KIF1B: variants seen among roughly 807,000 people sequenced by gnomAD.
KIF1B encodes the protein kinesin-like protein KIF1B.
A neutral mutation model predicts 241.9 loss-of-function variants in KIF1B; 76 were observed. The ratio of observed to expected loss-of-function variants is 0.31; its 90% CI spans 0.26 to 0.38. The LOEUF is 0.38. Ranked by LOEUF, KIF1B falls within the 10% of genes least tolerant of loss-of-function variation. The pLI is 1.00. For synonymous variants in KIF1B, 750 were observed against 796.7 expected, an observed-to-expected ratio of 0.94 and a Z score of 0.99; for missense variants, 1,622 against 2,271.4, an observed-to-expected ratio of 0.71 and a Z score of 5.81.
chr1:10,350,823 A>C (rs1290060638), intron 37 of KIF1B, among the ~76,000 whole-genome samples: 1 of 151,756 alleles, frequency 6.6e-6, no homozygotes, highest in African/African-American at 2.4e-5. Context: ...GGGGCCAGGC[A>C]CAGTGGCTCA....
rs77475237 is a variant in KIF1B at position 10,224,746 on chromosome 1, T to C, written c.-79-7504T>C. On this transcript the variant is annotated intron_variant, in intron 1 of 48. Transcript: ENST00000676179. ...GCCCCAATTTATGTTTTTTATTTAA[T>C]GCTGTTTAAATGTTAGTTTGTTGAC... 4.3e-3 allele frequency among the ~76,000 whole-genome samples: 659 copies of C among 152,272 alleles called. 4 individuals carry two copies. The highest frequency in any genetic ancestry group is 0.015 in the African/African-American group (604 of 41,546).
intron 19 of KIF1B, among the ~76,000 whole-genome samples, chr1:10,296,277 T>C (rs1650258472): frequency 6.6e-6 from 1 of 152,222 alleles, no homozygotes; most frequent in Non-Finnish European, 1.5e-5. Flanking sequence ...ATCCTTACAA[T>C]TTCTGATGGT....
At position 10,232,230 on chromosome 1, in the gene KIF1B, G is replaced by T; in HGVS notation, c.-79-20G>T. 1.2e-6 allele frequency: 1 copy of T among 849,048 alleles called. No homozygotes were observed. The highest frequency in any genetic ancestry group is 1.5e-5 in the South Asian group (1 of 68,110). 52.6% of individuals were successfully genotyped at this position (849,048 alleles called of 1,614,324 possible). The stretch of plus-strand genomic sequence containing the variant: ...GCTTTAATTCTGACTACCTCATATG[G>T]AATTTTTTTCTTTTCAAAGGAAACT... On this transcript the variant is annotated intron_variant, in intron 1 of 48. Coordinates refer to ENST00000676179, the MANE Select transcript of KIF1B (RefSeq NM_001365951.3).
In KIF1B at chr1:10,375,059, C is replaced by T; in HGVS notation, c.5289+13C>T. On this transcript the variant is annotated intron_variant, in intron 47 of 48. Coordinates refer to ENST00000676179, the MANE Select transcript of KIF1B (RefSeq NM_001365951.3). ...GGCCATGGTGAAGGTCCGTCCTGCC[C>T]TGCCTTGGTTTCTTATTGCCACGTG... The T allele has an allele frequency of 6.2e-7, 1 of 1,613,836 alleles. No homozygotes were observed. The highest frequency in any genetic ancestry group is 8.5e-7 in the Non-Finnish European group (1 of 1,179,748).
In KIF1B at chr1:10,343,261, C is replaced by T; in HGVS notation, c.3662C>T (p.Pro1221Leu). The stretch of plus-strand genomic sequence containing the variant: ...CCTCAGCCGTGCCGCCGATTCTTCC[C>T]TCCACCCATGCCACTGTCCAAGCCA... ...SPPQPCRRFF[P>L]PPMPLSKPVP... The change falls in exon 34 of 49, where the codon CCT becomes CTT. Residue 1221 changes from proline (P) to leucine (L), a missense_variant. By Grantham distance (98) the Pro-to-Leu change is moderately conservative (BLOSUM62 -3). Around this residue, in one of 7 missense-constraint regions of KIF1B, gnomAD observed 803 missense variants for 1,112.0 expected, o/e 0.72. Transcript: ENST00000676179. 1 of 1,614,216 alleles carries T rather than the reference C, an allele frequency of 6.2e-7. No homozygotes were observed. Among genetic ancestry groups the T allele is most frequent in the Non-Finnish European group, 8.5e-7 (1 of 1,180,022 alleles).
At chr1:10,332,849 T>A (rs1027168579) in intron 27 of KIF1B, among the ~76,000 whole-genome samples, 1 of 143,472 alleles carries the variant, frequency 7.0e-6, no homozygotes, top group African/African-American at 2.6e-5. Context: ...TCTCACCCTG[T>A]CACCCAGGCT....
chr1:10,374,667 C>T lies in KIF1B; in HGVS notation c.5097-187C>T, dbSNP rs929903949. On this transcript the variant is annotated intron_variant, in intron 46 of 48. Transcript: ENST00000676179. The surrounding 1 kb of genome is among the most constrained non-coding windows in gnomAD (Gnocchi z 4.3). ...ATAATGCATCTGCACCCTGGCGCAGCATGTTGCCATGGCACGGTTTCGCTT... is the reference window on the plus strand; with the variant it reads ...ATAATGCATCTGCACCCTGGCGCAGTATGTTGCCATGGCACGGTTTCGCTT... Among the ~76,000 whole-genome samples the T allele has an allele frequency of 6.6e-6, 1 of 152,168 alleles. No homozygotes were observed. Among genetic ancestry groups the T allele is most frequent in the African/African-American group, 2.4e-5 (1 of 41,440 alleles).
intron 15 of KIF1B, among the ~76,000 whole-genome samples, chr1:10,285,772 G>A (rs1322562159): frequency 6.6e-6 from 1 of 152,160 alleles, no homozygotes; most frequent in South Asian, 2.1e-4. Context: ...CATCCGTAGC[G>A]CCAGGGCAAT....
At chr1:10,361,955 C>G (rs1638436033) in intron 40 of KIF1B, 130 bp downstream of exon 40, 1 of 975,634 alleles carries the variant, frequency 1.0e-6, no homozygotes, top group South Asian at 1.3e-5. Context: ...TAACTGACAC[C>G]TGGAATGTAC....
At chr1:10,242,591 G>A (rs1165662173) in intron 2 of KIF1B, among the ~76,000 whole-genome samples, 3 of 152,042 alleles carry the variant, frequency 2.0e-5, no homozygotes, top group South Asian at 4.2e-4. Context: ...ATCTTGGCTC[G>A]CTGCAACCTC....
chr1:10,308,863 A>G (rs1324940439), intron 22 of KIF1B, among the ~76,000 whole-genome samples: 2 of 152,248 alleles, frequency 1.3e-5, no homozygotes, highest in Non-Finnish European at 2.9e-5. Context: ...TTCTCACAAA[A>G]GATGAATAAG....
intron 2 of KIF1B, among the ~76,000 whole-genome samples, chr1:10,235,044 C>T (rs980173600): frequency 6.6e-6 from 1 of 151,830 alleles, no homozygotes; most frequent in Non-Finnish European, 1.5e-5. Context: ...CACCTGTCAC[C>T]ACACCTGGCT....
chr1:10,301,014 G>A (rs1230601008), intron 22 of KIF1B, among the ~76,000 whole-genome samples: 1 of 151,974 alleles, frequency 6.6e-6, no homozygotes, highest in African/African-American at 2.4e-5. Flanking sequence ...TTACTTTTTT[G>A]TTCCTTAGAA....
intron 2 of KIF1B, among the ~76,000 whole-genome samples, chr1:10,240,940 C>T (rs1203688746): frequency 6.6e-6 from 1 of 152,074 alleles, no homozygotes; most frequent in Non-Finnish European, 1.5e-5. Flanking sequence ...AACCATACTT[C>T]ATTTATATTC....
rs1257077910 is a variant in KIF1B at position 10,326,733 on chromosome 1, G to C, written c.2924+374G>C. On this transcript the variant is annotated intron_variant, in intron 27 of 48. Transcript: ENST00000676179. This position sits in a 1 kb window ranked among gnomAD's most constrained non-coding sequence, Gnocchi z 5.2. ...ATGGTCTAGATGTTTCCTTTTTAAA[G>C]GATTGTGATTGAAAAAGCATATGGA... Among the ~76,000 whole-genome samples, 3 of 152,200 alleles carry C rather than the reference G, an allele frequency of 2.0e-5. No individual in the cohort carries two copies. The highest frequency in any genetic ancestry group is 2.4e-5 in the African/African-American group (1 of 41,450).
chr1:10,366,394 G>A (rs1433211566), intron 43 of KIF1B, among the ~76,000 whole-genome samples: 2 of 152,138 alleles, frequency 1.3e-5, no homozygotes, highest in African/African-American at 2.4e-5. Context: ...GAAAGGATGC[G>A]CAGGAGGGAG....
chr1:10,226,074 C>G (rs1646904992), intron 1 of KIF1B, among the ~76,000 whole-genome samples: 3 of 151,938 alleles, frequency 2.0e-5, no homozygotes, highest in Admixed American at 1.3e-4. Context: ...AGAGAGAAAG[C>G]TGGTTAAGAA....
At chr1:10,295,251 T>G in intron 18 of KIF1B, 86 bp downstream of exon 18, 1 of 845,410 alleles carries the variant, frequency 1.2e-6, no homozygotes, top group Middle Eastern at 2.2e-4. Context: ...TTGAAAAAAT[T>G]AACGTAATGA....
chr1:10,352,904 C>G (rs1215550603), intron 38 of KIF1B, among the ~76,000 whole-genome samples, 168 bp downstream of exon 38: 1 of 152,060 alleles, frequency 6.6e-6, no homozygotes, highest in African/African-American at 2.4e-5. Flanking sequence ...GCTGTACTCT[C>G]CAAAAAGAAA....
Sources: allele counts gnomAD v4.1 joint callset (sites outside exome capture counted in the v4.1 genomes callset), GRCh38; gene constraint gnomAD v4.1.1; regional missense constraint gnomAD v4.1.1; non-coding constraint Gnocchi (gnomAD v3.1); transcripts MANE v1.5; gene names NCBI Gene and HGNC (gene_info 2026-07-23, HGNC 2026-07-21).